The following IL16 variants were observed in gnomAD, a reference collection of about 807,000 sequenced individuals.
IL16 encodes the protein pro-interleukin-16.
In IL16, 67 loss-of-function variants were observed where a neutral mutation model predicts 110.1. That is an observed-to-expected ratio of 0.61 (90% CI 0.50 to 0.75). The LOEUF (loss-of-function observed/expected upper bound fraction) is 0.75, where lower values mean the gene tolerates loss of function less well. Among genes scored for constraint, IL16 ranks in the 30% least tolerant of loss-of-function variants. The pLI, the probability that IL16 is intolerant of heterozygous loss-of-function variation, is 0.00. For synonymous variants in IL16, 689 were observed against 662.9 expected, an observed-to-expected ratio of 1.04 and a Z score of -0.61; for missense variants, 1,545 against 1,655.0, an observed-to-expected ratio of 0.93 and a Z score of 1.15.
intron 1 of IL16, among the ~76,000 whole-genome samples, chr15:81,201,828 C>T (rs1342875303): frequency 6.6e-6 from 1 of 152,194 alleles, no homozygotes; most frequent in Non-Finnish European, 1.5e-5. Context: ...CACACACGCG[C>T]ACACACTGTG....
chr15:81,216,686 A>G (rs945264198), intron 1 of IL16, among the ~76,000 whole-genome samples: 1 of 152,156 alleles, frequency 6.6e-6, no homozygotes, highest in Non-Finnish European at 1.5e-5. Context: ...GAGGAGGAAG[A>G]CAGCAATGAT....
chr15:81,249,896 TA>T (rs1446533820), intron 2 of IL16, among the ~76,000 whole-genome samples: 11 of 152,172 alleles, frequency 7.2e-5, no homozygotes, highest in African/African-American at 2.2e-4. Context: ...TTGTTAGATA[TA>T]TATTCCAATT....
At chr15:81,300,537 T>A in intron 14 of IL16, 62 bp downstream of exon 14, 1 of 1,112,532 alleles carries the variant, frequency 9.0e-7, no homozygotes, top group East Asian at 2.5e-5. Flanking sequence ...TCATCTTTAT[T>A]TTTAAAAATA....
intron 2 of IL16, among the ~76,000 whole-genome samples, chr15:81,227,605 G>C (rs1424625816): frequency 6.6e-6 from 1 of 152,182 alleles, no homozygotes; most frequent in East Asian, 1.9e-4. Flanking sequence ...CAGAACAAGG[G>C]CTGTGGCAAG....
chr15:81,238,994 T>C (rs1181100186), intron 2 of IL16, among the ~76,000 whole-genome samples: 2 of 152,018 alleles, frequency 1.3e-5, no homozygotes, highest in Non-Finnish European at 2.9e-5. Flanking sequence ...GTCATTTGAA[T>C]TGGTGTTCTT....
At position 81,225,474 on chromosome 15, in the gene IL16, C is replaced by T; in HGVS notation, c.75C>T (p.Leu25=). 1 of 1,614,146 alleles carries T rather than the reference C, an allele frequency of 6.2e-7. No homozygotes were observed. Among genetic ancestry groups the T allele is most frequent in the Non-Finnish European group, 8.5e-7 (1 of 1,179,996 alleles). Residue 25 remains leucine, a synonymous_variant, in exon 2 of 19, where the codon CTC becomes CTT. Coordinates refer to ENST00000683961, the MANE Select transcript of IL16 (RefSeq NM_172217.5). The stretch of plus-strand genomic sequence containing the variant: ...GGTCCATCTCCAGGTCCCTGATGCT[C>T]TGTAATGCTAAGACCAGTGATGATG... ...KFRSISRSLM[L]CNAKTSDDGS...
At chr15:81,290,215 T>C (rs966200542) in intron 10 of IL16, among the ~76,000 whole-genome samples, 16 of 152,112 alleles carry the variant, frequency 1.1e-4, no homozygotes, top group Admixed American at 6.5e-5. Context: ...GGTTGGAGAG[T>C]TGAGGGGGCC....
At chr15:81,293,310 C>T (rs575772797) in intron 12 of IL16, among the ~76,000 whole-genome samples, 1 of 152,334 alleles carries the variant, frequency 6.6e-6, no homozygotes, top group East Asian at 1.9e-4. Context: ...TGTCATTTTT[C>T]ACTCACCATG....
At chr15:81,221,178 G>A (rs1453399976) in intron 1 of IL16, among the ~76,000 whole-genome samples, 1 of 152,098 alleles carries the variant, frequency 6.6e-6, no homozygotes, top group Non-Finnish European at 1.5e-5. Context: ...GAGTTGGAGA[G>A]CAGTTTTCTA....
rs1900718433 is a variant in IL16 at position 81,309,023 on chromosome 15, AC to A, written c.*226del. The A allele has an allele frequency of 2.1e-6, 1 of 471,534 alleles. No homozygotes were observed. Among genetic ancestry groups the A allele is most frequent in the Admixed American group, 4.0e-5 (1 of 25,130 alleles). 29.2% of individuals were successfully genotyped at this position (471,534 alleles called of 1,614,324 possible). On this transcript the variant is annotated 3_prime_UTR_variant, in exon 19 of 19. Coordinates refer to ENST00000683961, the MANE Select transcript of IL16 (RefSeq NM_172217.5). ...CGGGGGCAGCTGATACAAATTGCAG[AC>A]TGTGTAAAAAGAGAGCTTAATGATA...
At chr15:81,237,372 T>C (rs1166039117) in intron 2 of IL16, among the ~76,000 whole-genome samples, 1 of 152,228 alleles carries the variant, frequency 6.6e-6, no homozygotes, top group Non-Finnish European at 1.5e-5. Flanking sequence ...ACCCCCAGTT[T>C]AGAAGAATGT....
intron 6 of IL16, among the ~76,000 whole-genome samples, chr15:81,278,384 A>G (rs762617952): frequency 2.6e-5 from 4 of 152,224 alleles, no homozygotes; most frequent in Non-Finnish European, 5.9e-5. Flanking sequence ...AAGAAGGGAT[A>G]GGAGGAGAAA....
chr15:81,294,895 T>C (rs1352608471), intron 12 of IL16, among the ~76,000 whole-genome samples: 2 of 152,182 alleles, frequency 1.3e-5, no homozygotes, highest in African/African-American at 2.4e-5. Context: ...GTGGCCACAG[T>C]GTCCACTGTC....
At chr15:81,265,505 G>A (rs1032884059) in intron 3 of IL16, among the ~76,000 whole-genome samples, 154 bp from the exon 4 acceptor site, 5 of 152,090 alleles carry the variant, frequency 3.3e-5, no homozygotes, top group South Asian at 2.1e-4. Context: ...TGTCTTCCGC[G>A]GCCACCTCTC....
chr15:81,229,010 T>C (rs1896883539), intron 2 of IL16, among the ~76,000 whole-genome samples: 1 of 152,148 alleles, frequency 6.6e-6, no homozygotes, highest in Non-Finnish European at 1.5e-5. Flanking sequence ...GAACAATGCA[T>C]GTAGTAATTG....
At chr15:81,286,811 G>A (rs141929103) in intron 10 of IL16, among the ~76,000 whole-genome samples, 221 of 152,280 alleles carry the variant, frequency 1.5e-3, no homozygotes, top group African/African-American at 5.0e-3. Flanking sequence ...AGACTGGGTA[G>A]TTTATAAAGA....
chr15:81,273,262 T>C (rs1285304840), intron 6 of IL16, 58 bp downstream of exon 6: 8 of 1,263,544 alleles, frequency 6.3e-6, no homozygotes, highest in Non-Finnish European at 6.7e-6. Flanking sequence ...GAATCCAGAA[T>C]TGCTGGGGCC....
At chr15:81,296,290 A>G (rs1485255539) in intron 12 of IL16, among the ~76,000 whole-genome samples, 1 of 152,188 alleles carries the variant, frequency 6.6e-6, no homozygotes, top group African/African-American at 2.4e-5. Context: ...AGCCTGGTTC[A>G]TCTTGTCCCT....
At chr15:81,277,985 G>A (rs1021137847) in intron 6 of IL16, among the ~76,000 whole-genome samples, 14 of 152,196 alleles carry the variant, frequency 9.2e-5, no homozygotes, top group Admixed American at 7.2e-4. Context: ...TCTCCTACAA[G>A]TATACTGTTG....
Sources: gnomAD v4.1 joint callset for allele counts (sites outside exome capture counted in the v4.1 genomes callset) on GRCh38, gnomAD v4.1.1 for gene constraint, MANE v1.5 for transcripts, NCBI Gene and HGNC (gene_info 2026-07-23, HGNC 2026-07-21) for gene names.